Variants in MAP3K4 observed in about 807,000 individuals in gnomAD.
The protein encoded by MAP3K4 is MAP three kinase 1.
MAP3K4 carries 67 observed loss-of-function variants against 185.6 expected under a neutral mutation model. The observed-to-expected ratio is 0.36, with a 90% CI of 0.30 to 0.44. MAP3K4 has a LOEUF of 0.44. Among genes scored for constraint, MAP3K4 ranks in the 20% least tolerant of loss-of-function variants. MAP3K4 has a pLI of 1.00. For synonymous variants in MAP3K4, 702 were observed against 710.4 expected, an observed-to-expected ratio of 0.99 and a Z score of 0.19; for missense variants, 1,551 against 1,995.1, an observed-to-expected ratio of 0.78 and a Z score of 4.24.
At chr6:161,027,279 C>T (rs1257251999) in intron 1 of MAP3K4, among the ~76,000 whole-genome samples, 1 of 152,184 alleles carries the variant, frequency 6.6e-6, no homozygotes, top group East Asian at 1.9e-4. Flanking sequence ...TGGTTTGTTC[C>T]TAAATCTATT....
rs1785075972 is a variant in MAP3K4 at position 161,074,367 on chromosome 6, C to T, written c.2097+755C>T. Among the ~76,000 whole-genome samples, 1 of 152,228 alleles carries T rather than the reference C, an allele frequency of 6.6e-6. No individual in the cohort carries two copies. Among genetic ancestry groups the T allele is most frequent in the Non-Finnish European group, 1.5e-5 (1 of 68,036 alleles). On this transcript the variant is annotated intron_variant, in intron 5 of 26. Coordinates refer to ENST00000392142, the MANE Select transcript of MAP3K4 (RefSeq NM_005922.4). The surrounding 1 kb of genome is among the most constrained non-coding windows in gnomAD (Gnocchi z 5.0). ...GCTTTTAACCTCTGTTCACATTCTT[C>T]TTTCCTGTTAGAAATGCCCCCTCCT...
At position 161,049,751 on chromosome 6, in the gene MAP3K4, G is replaced by T; in HGVS notation, c.1479G>T (p.Lys493Asn). Residue 493 changes from lysine to asparagine, a missense_variant, in exon 3 of 27, where the codon AAG becomes AAT. Transcript: ENST00000392142. This position sits in a 1 kb window ranked among gnomAD's most constrained non-coding sequence, Gnocchi z 8.4. ...DIQSRDCISK[K>N]LERLESEDDS... ...AGTCGCGGGACTGCATATCCAAGAA[G>T]CTTGAGAGGCTCGAATCTGAGGATG... is the stretch of plus-strand genomic sequence containing the variant. 6.2e-7 allele frequency: 1 copy of T among 1,614,148 alleles called. No homozygotes were observed. Among genetic ancestry groups the T allele is most frequent in the Non-Finnish European group, 8.5e-7 (1 of 1,180,020 alleles).
intron 3 of MAP3K4, among the ~76,000 whole-genome samples, chr6:161,066,416 T>C (rs1409876850): frequency 6.6e-6 from 1 of 152,130 alleles, no homozygotes; most frequent in African/African-American, 2.4e-5. Context: ...TTTTCTTTTT[T>C]TTTTTGCTCT....
In MAP3K4 at chr6:161,070,893, T is replaced by C; in HGVS notation, c.1950+43T>C. 1 of 1,515,556 alleles carries C rather than the reference T, an allele frequency of 6.6e-7. No individual in the cohort carries two copies. The highest frequency in any genetic ancestry group is 2.4e-5 in the East Asian group (1 of 42,484). 93.9% of individuals were successfully genotyped at this position (1,515,556 alleles called of 1,614,324 possible). The stretch of plus-strand genomic sequence containing the variant: ...TTTAAAATATTTAGCAATTATTATA[T>C]TATCCTACAGGCTTATCATTTTTAT... On this transcript the variant is annotated intron_variant, in intron 4 of 26. Coordinates refer to ENST00000392142, the MANE Select transcript of MAP3K4 (RefSeq NM_005922.4). This position sits in a 1 kb window ranked among gnomAD's most constrained non-coding sequence, Gnocchi z 4.5.
chr6:161,060,351 A>G (rs969658460), intron 3 of MAP3K4, among the ~76,000 whole-genome samples: 2 of 152,124 alleles, frequency 1.3e-5, no homozygotes, highest in African/African-American at 2.4e-5. Context: ...ATTGATGACT[A>G]ATTAGTGTTA....
intron 1 of MAP3K4, among the ~76,000 whole-genome samples, chr6:161,005,224 G>T (rs550789478): frequency 2.7e-5 from 4 of 150,112 alleles, no homozygotes; most frequent in African/African-American, 4.9e-5. Flanking sequence ...CTGCAGCCTC[G>T]ACCTCCTGGG....
Position 161,073,660 on chromosome 6 carries a change from T to C in MAP3K4, c.2097+48T>C, listed in dbSNP as rs750941804. 10 of 1,579,380 alleles carry C rather than the reference T, an allele frequency of 6.3e-6. No homozygotes were observed. The highest frequency in any genetic ancestry group is 8.6e-7 in the Non-Finnish European group (1 of 1,163,242). ...TTTTCTTTCTTTCTTTGTTTCTTTT[T>C]TTAAAAAAGTAAGCCTGTATTTCCT... On this transcript the variant is annotated intron_variant, in intron 5 of 26. Coordinates refer to ENST00000392142, the MANE Select transcript of MAP3K4 (RefSeq NM_005922.4). This position sits in a 1 kb window ranked among gnomAD's most constrained non-coding sequence, Gnocchi z 4.2.
intron 11 of MAP3K4, among the ~76,000 whole-genome samples, chr6:161,090,015 A>G (rs1354704714): frequency 1.3e-5 from 2 of 152,166 alleles, no homozygotes; most frequent in Admixed American, 6.5e-5. Context: ...TATCCCATGT[A>G]TCAGTCTTGA....
chr6:161,004,323 G>A (rs1178650791), intron 1 of MAP3K4, among the ~76,000 whole-genome samples: 1 of 152,076 alleles, frequency 6.6e-6, no homozygotes, highest in Non-Finnish European at 1.5e-5. Context: ...GTGTATCATT[G>A]TCAGTGAGAG....
Position 160,994,560 on chromosome 6 carries a change from A to G in MAP3K4, c.152+2477A>G, listed in dbSNP as rs1245531090. On this transcript the variant is annotated intron_variant, in intron 1 of 26. Coordinates refer to ENST00000392142, the MANE Select transcript of MAP3K4 (RefSeq NM_005922.4). The stretch of plus-strand genomic sequence containing the variant: ...TGATGGGCATTTAGGTTGGTTCCAT[A>G]TTTTTGCAGTTGTGAATTGCGAATT... Among the ~76,000 whole-genome samples the G allele has an allele frequency of 2.6e-5, 4 of 151,978 alleles. No homozygotes were observed. In the East Asian group the frequency reaches 7.7e-4, roughly 29 times the overall value.
At chr6:160,997,502 A>G (rs1030794293) in intron 1 of MAP3K4, among the ~76,000 whole-genome samples, 10 of 152,346 alleles carry the variant, frequency 6.6e-5, no homozygotes, top group African/African-American at 2.2e-4. Flanking sequence ...GATGCTCATG[A>G]TACAACTCCT....
At chr6:161,047,613 G>A (rs1487737080) in intron 2 of MAP3K4, among the ~76,000 whole-genome samples, 1 of 152,126 alleles carries the variant, frequency 6.6e-6, no homozygotes, top group Non-Finnish European at 1.5e-5. Flanking sequence ...ATGTGGAAAT[G>A]AATGAGATCA....
Position 161,091,651 on chromosome 6 carries a change from C to T in MAP3K4, c.3135+111C>T, listed in dbSNP as rs1777318217. 1.1e-6 allele frequency: 1 copy of T among 935,574 alleles called. No homozygotes were observed. The highest frequency in any genetic ancestry group is 2.5e-5 in the Admixed American group (1 of 39,934). The allele number at this position is 935,574 out of a possible 1,614,324, so 58.0% of individuals were successfully genotyped here. A position where few individuals can be genotyped will look rare whatever the true frequency, so the allele number is the denominator to read the frequency against. On this transcript the variant is annotated intron_variant, in intron 12 of 26. Transcript: ENST00000392142. The surrounding 1 kb of genome is among the most constrained non-coding windows in gnomAD (Gnocchi z 5.5). The stretch of plus-strand genomic sequence containing the variant: ...TCTGATATTGTAATCATAGCTTAAT[C>T]AAGAATATCATCTTATATCACTGCT...
At chr6:161,065,916 C>T (rs1158342731) in intron 3 of MAP3K4, among the ~76,000 whole-genome samples, 12 of 73,872 alleles carry the variant, frequency 1.6e-4, no homozygotes, top group African/African-American at 2.1e-4. Flanking sequence ...CCAGCCTGGG[C>T]AAAAGAGCAA....
intron 1 of MAP3K4, among the ~76,000 whole-genome samples, chr6:161,012,133 A>G (rs1461048916): frequency 6.6e-6 from 1 of 152,174 alleles, no homozygotes; most frequent in African/African-American, 2.4e-5. Flanking sequence ...AGCAATAGCT[A>G]AGTGTGAGGC....
At chr6:161,026,240 C>T (rs954480808) in intron 1 of MAP3K4, among the ~76,000 whole-genome samples, 2 of 151,998 alleles carry the variant, frequency 1.3e-5, no homozygotes, top group Admixed American at 1.3e-4. Flanking sequence ...ATGCCATTCT[C>T]CTGCCTCAGC....
At chr6:161,079,910 A>G (rs1331726668) in intron 5 of MAP3K4, among the ~76,000 whole-genome samples, 1 of 152,172 alleles carries the variant, frequency 6.6e-6, no homozygotes, top group African/African-American at 2.4e-5. Context: ...TCTCAGAAAA[A>G]TATCTTTCCC....
rs1778151412 is a variant in MAP3K4, at chr6:161,107,745, A to T, written c.4049-154A>T. ...TTAGTTATCAGGGAACATTTAGAAA[A>T]ATTTTGGATCTTGCAATAGTAAACT... is the stretch of plus-strand genomic sequence containing the variant. On this transcript the variant is annotated intron_variant, in intron 20 of 26. Coordinates refer to ENST00000392142, the MANE Select transcript of MAP3K4 (RefSeq NM_005922.4). The surrounding 1 kb of genome is among the most constrained non-coding windows in gnomAD (Gnocchi z 6.2). Among the ~76,000 whole-genome samples the T allele has an allele frequency of 6.6e-6, 1 of 152,196 alleles. No individual in the cohort carries two copies. Among genetic ancestry groups the T allele is most frequent in the Non-Finnish European group, 1.5e-5 (1 of 68,032 alleles).
In MAP3K4 at chr6:161,107,887, C is replaced by A; in HGVS notation, c.4049-12C>A. 6.2e-7 allele frequency: 1 copy of A among 1,611,808 alleles called. No homozygotes were observed. The highest frequency in any genetic ancestry group is 8.5e-7 in the Non-Finnish European group (1 of 1,178,098). On this transcript the variant is annotated splice_polypyrimidine_tract_variant and intron_variant, in intron 20 of 26. Coordinates refer to ENST00000392142, the MANE Select transcript of MAP3K4 (RefSeq NM_005922.4). This position sits in a 1 kb window ranked among gnomAD's most constrained non-coding sequence, Gnocchi z 6.2. ...AGTGGCTGGAAGTGCAGCTTGTTTG[C>A]ATTGTTCACAGGAGAAGGCCAGTAT... is the stretch of plus-strand genomic sequence containing the variant.
Sources: gnomAD v4.1 joint callset for allele counts (sites outside exome capture counted in the v4.1 genomes callset) on GRCh38, gnomAD v4.1.1 for gene constraint, Gnocchi (gnomAD v3.1) non-coding constraint, MANE v1.5 for transcripts, NCBI Gene and HGNC (gene_info 2026-07-23, HGNC 2026-07-21) for gene names.